The following ANK2 variants were observed in gnomAD, a reference collection of about 807,000 sequenced individuals.
ANK2 encodes ankyrin 2, also known as ankyrin-2.
Under a neutral mutation model 360.5 loss-of-function variants are expected in ANK2, and 83 were observed. The ratio of observed to expected loss-of-function variants is 0.23; its 90% CI spans 0.19 to 0.28. The LOEUF is 0.28. ANK2 is among the 10% of genes least tolerant of loss of function. The pLI, the probability that ANK2 is intolerant of heterozygous loss-of-function variation, is 1.00. For missense variants in ANK2, 4,201 were observed against 4,795.7 expected, an observed-to-expected ratio of 0.88 and a Z score of 3.66; for synonymous variants, 1,740 against 1,759.5, an observed-to-expected ratio of 0.99 and a Z score of 0.28.
At chr4:112,792,174 TG>T in the ANK2 span, among the ~76,000 whole-genome samples, 21 of 151,806 alleles carry the variant, frequency 1.4e-4, no homozygotes, top group Admixed American at 2.6e-4. Flanking sequence ...CCCGAGTAGC[TG>T]GGATTACAGG....
At chr4:113,190,022 A>G (rs1475047758) in intron 2 of ANK2, among the ~76,000 whole-genome samples, 1 of 152,162 alleles carries the variant, frequency 6.6e-6, no homozygotes, top group Non-Finnish European at 1.5e-5. Context: ...TCTTAGAAAC[A>G]CAGAATTTTG....
intron 4 of ANK2, among the ~76,000 whole-genome samples, chr4:113,219,191 C>T (rs1261032231): frequency 6.6e-6 from 1 of 151,982 alleles, no homozygotes; most frequent in East Asian, 1.9e-4. Flanking sequence ...TGTTGTTAGA[C>T]AATTTGAAAG....
chr4:113,286,738 A>G (rs775196178), intron 18 of ANK2, among the ~76,000 whole-genome samples: 1 of 152,142 alleles, frequency 6.6e-6, no homozygotes, highest in Non-Finnish European at 1.5e-5. Context: ...TAGTGAGGGG[A>G]GAGAAATATA....
At chr4:113,301,500 T>C (rs1003674499) in intron 22 of ANK2, among the ~76,000 whole-genome samples, 3 of 152,148 alleles carry the variant, frequency 2.0e-5, no homozygotes, top group Admixed American at 2.0e-4. Context: ...ACTTAAAATC[T>C]ACTCTCAGCA....
chr4:112,927,819 T>G (rs1033963228), intron 2 of ANK2, among the ~76,000 whole-genome samples: 1 of 152,250 alleles, frequency 6.6e-6, no homozygotes, highest in African/African-American at 2.4e-5. Flanking sequence ...CTCTGACCTG[T>G]TGTATGGAGA....
intron 2 of ANK2, 132 bp from the exon 3 acceptor site, chr4:113,196,236 T>C (rs2098745415): frequency 1.4e-6 from 1 of 699,936 alleles, no homozygotes; most frequent in Middle Eastern, 2.4e-4. Flanking sequence ...AGATTCAAGA[T>C]TCTAATGCAA....
At chr4:112,921,549 C>G (rs1431561844) in intron 2 of ANK2, among the ~76,000 whole-genome samples, 2 of 152,060 alleles carry the variant, frequency 1.3e-5, no homozygotes, top group Non-Finnish European at 2.9e-5. Flanking sequence ...TCATAGCACA[C>G]TACAACCTCC....
chr4:113,121,993 A>G (rs1371406494), intron 1 of ANK2, among the ~76,000 whole-genome samples: 2 of 152,144 alleles, frequency 1.3e-5, no homozygotes, highest in Admixed American at 6.6e-5. Flanking sequence ...TTTAGAAGTT[A>G]TATTAGTATT....
intron 41 of ANK2, among the ~76,000 whole-genome samples, chr4:113,365,678 TTC>T (rs1443300325): frequency 1.3e-5 from 2 of 149,800 alleles, no homozygotes; most frequent in Admixed American, 6.6e-5. Context: ...GTTTTTTTTT[TTC>T]TCTCTCTCTC....
At chr4:112,986,779 G>A (rs1417681443) in intron 2 of ANK2, among the ~76,000 whole-genome samples, 1 of 152,150 alleles carries the variant, frequency 6.6e-6, no homozygotes, top group East Asian at 1.9e-4. Context: ...ATAGGTAATG[G>A]AGTAGGGGTA....
intron 1 of ANK2, chr4:113,151,249 C>G: frequency 1.3e-6 from 1 of 741,408 alleles, no homozygotes; most frequent in Non-Finnish European, 1.9e-6. Context: ...TACTTGTTGT[C>G]GTAGTTCATT....
At chr4:112,933,124 A>T (rs1250438163) in intron 2 of ANK2, among the ~76,000 whole-genome samples, 1 of 152,244 alleles carries the variant, frequency 6.6e-6, no homozygotes, top group Non-Finnish European at 1.5e-5. Context: ...TCATGGTTAT[A>T]TAAACAAATG....
the ANK2 span, among the ~76,000 whole-genome samples, chr4:112,796,079 C>T: frequency 3.3e-5 from 5 of 152,236 alleles, no homozygotes; most frequent in African/African-American, 1.2e-4. Flanking sequence ...GAATTGCAAG[C>T]ATGAGCCACA....
chr4:112,811,570 A>G, the ANK2 span, among the ~76,000 whole-genome samples: 2 of 152,144 alleles, frequency 1.3e-5, no homozygotes, highest in Non-Finnish European at 2.9e-5. Context: ...CCTTGAGACA[A>G]GTAAATATTC....
At chr4:112,729,985 A>G in the ANK2 span, among the ~76,000 whole-genome samples, 1 of 152,116 alleles carries the variant, frequency 6.6e-6, no homozygotes, top group Non-Finnish European at 1.5e-5. Flanking sequence ...GTTAGTTATC[A>G]GGGGTAGGGG....
intron 1 of ANK2, chr4:113,106,891 A>G (rs2093692301): frequency 1.9e-6 from 1 of 533,460 alleles, no homozygotes; most frequent in Non-Finnish European, 3.8e-6. Flanking sequence ...TAGGAGTGAA[A>G]TAAAGGTCCA....
chr4:113,299,128 G>A (rs1190917779), intron 22 of ANK2, among the ~76,000 whole-genome samples: 1 of 152,102 alleles, frequency 6.6e-6, no homozygotes, highest in Non-Finnish European at 1.5e-5. Context: ...AATTCTGATA[G>A]CATTCAGTGA....
Position 113,136,261 on chromosome 4 carries a change from G to A in ANK2, c.85-38155G>A, listed in dbSNP as rs78664948. The stretch of plus-strand genomic sequence containing the variant: ...TCCTGATGGCTCTGTGTCCACAGCA[G>A]GCTCCTAATCTTGTTGGCCAGGCAG... On this transcript the variant is annotated intron_variant, in intron 1 of 45. Transcript: ENST00000357077. Among the ~76,000 whole-genome samples the A allele has an allele frequency of 1.8e-3, 281 of 152,274 alleles. 5 individuals are homozygous for A. In the East Asian group the frequency reaches 0.037, roughly 20 times the overall value.
rs553261300 is a variant in ANK2 at position 113,359,419 on chromosome 4, C to T, written c.10681+120C>T. The stretch of plus-strand genomic sequence containing the variant: ...ATTTTCTTTAAGCTTTCTGTAGTGG[C>T]TAATGTGTTTGTGTAAGCCCTTTGT... On this transcript the variant is annotated intron_variant, in intron 38 of 45. Coordinates refer to ENST00000357077, the MANE Select transcript of ANK2 (RefSeq NM_001148.6). 8.6e-4 allele frequency: 1,123 copies of T among 1,300,174 alleles called. 5 individuals are homozygous for T. Among genetic ancestry groups the T allele is most frequent in the South Asian group, 2.5e-3 (190 of 77,242 alleles). 80.5% of individuals were successfully genotyped at this position (1,300,174 alleles called of 1,614,324 possible). A position where few individuals can be genotyped will look rare whatever the true frequency, so the allele number is the denominator to read the frequency against.
Sources: allele counts gnomAD v4.1 joint callset (sites outside exome capture counted in the v4.1 genomes callset), GRCh38; gene constraint gnomAD v4.1.1; transcripts MANE v1.5; gene names NCBI Gene and HGNC (gene_info 2026-07-23, HGNC 2026-07-21).